CTNNA2: variants seen among roughly 807,000 people sequenced by gnomAD.
CTNNA2 encodes catenin alpha 2.
CTNNA2 carries 42 observed loss-of-function variants against 101.0 expected under a neutral mutation model. That is an observed-to-expected ratio of 0.42 (90% confidence interval 0.32 to 0.54). The LOEUF is 0.54. Ranked by LOEUF, CTNNA2 falls within the 20% of genes least tolerant of loss-of-function variation. CTNNA2 has a pLI of 0.14. For synonymous variants in CTNNA2, 450 were observed against 456.4 expected, an observed-to-expected ratio of 0.99 and a Z score of 0.18; for missense variants, 871 against 1,223.1, an observed-to-expected ratio of 0.71 and a Z score of 4.29.
chr2:80,382,254 G>C (rs1676581834), intron 7 of CTNNA2, among the ~76,000 whole-genome samples: 1 of 152,018 alleles, frequency 6.6e-6, no homozygotes, highest in Non-Finnish European at 1.5e-5. Context: ...TTTCTAATTT[G>C]CTTAGCACCG....
chr2:80,574,371 A>C, intron 13 of CTNNA2, 57 bp downstream of exon 13: 2 of 1,479,036 alleles, frequency 1.4e-6, no homozygotes, highest in Admixed American at 2.2e-5. Context: ...GAAACTAAAG[A>C]GCTAACTGTC....
chr2:80,601,283 T>C (rs2149767637), intron 15 of CTNNA2, among the ~76,000 whole-genome samples: 1 of 152,264 alleles, frequency 6.6e-6, no homozygotes, highest in East Asian at 1.9e-4. Context: ...ATATCAATAT[T>C]ATGTAACTGA....
At chr2:79,646,521 TG>T (rs1558799646) in intron 1 of CTNNA2, among the ~76,000 whole-genome samples, 9 of 141,588 alleles carry the variant, frequency 6.4e-5, no homozygotes, top group African/African-American at 2.1e-4. Context: ...CTTTTCTTTC[TG>T]TCTTTTTTTT....
intron 13 of CTNNA2, 111 bp from the exon 14 acceptor site, chr2:80,581,595 G>C (rs112444914): frequency 1.4e-6 from 1 of 692,196 alleles, no homozygotes; most frequent in Non-Finnish European, 2.6e-6. Context: ...TGCTATGTAG[G>C]ATGCTATAAG....
At chr2:80,089,074 C>T (rs934110934) in intron 7 of CTNNA2, among the ~76,000 whole-genome samples, 1 of 151,974 alleles carries the variant, frequency 6.6e-6, no homozygotes, top group Non-Finnish European at 1.5e-5. Flanking sequence ...GACCTATTAT[C>T]CTCTCCAGGA....
At chr2:79,708,736 C>T (rs1685549320) in intron 2 of CTNNA2, among the ~76,000 whole-genome samples, 1 of 151,700 alleles carries the variant, frequency 6.6e-6, no homozygotes. Context: ...AAAGAGTTAC[C>T]ATATACCTGT....
chr2:80,044,965 G>A (rs1357221190), intron 7 of CTNNA2, among the ~76,000 whole-genome samples: 1 of 152,090 alleles, frequency 6.6e-6, no homozygotes, highest in African/African-American at 2.4e-5. Context: ...CAAGTTATTG[G>A]AAATGTTGAG....
intron 6 of CTNNA2, among the ~76,000 whole-genome samples, chr2:79,875,636 T>A (rs931836343): frequency 2.0e-4 from 30 of 152,296 alleles, no homozygotes; most frequent in African/African-American, 7.2e-4. Context: ...CAGTTCATAC[T>A]CAAATAGTTC....
intron 11 of CTNNA2, among the ~76,000 whole-genome samples, chr2:80,553,397 G>T (rs182825026): frequency 6.7e-4 from 102 of 152,030 alleles, no homozygotes; most frequent in East Asian, 2.5e-3. Flanking sequence ...TTTTAAATAG[G>T]TATAATAATA....
At chr2:79,211,336 G>A (rs1436650802) in intron 2 of CTNNA2, among the ~76,000 whole-genome samples, 1 of 152,144 alleles carries the variant, frequency 6.6e-6, no homozygotes, top group African/African-American at 2.4e-5. Context: ...AAGACAACAA[G>A]GGAAACTTTT....
chr2:80,621,276 T>C (rs1428449992), intron 18 of CTNNA2, among the ~76,000 whole-genome samples: 1 of 151,978 alleles, frequency 6.6e-6, no homozygotes, highest in African/African-American at 2.4e-5. Context: ...AAATGGTTTA[T>C]GAGAAAATGA....
At chr2:80,017,042 A>C (rs1694198661) in intron 7 of CTNNA2, among the ~76,000 whole-genome samples, 1 of 152,208 alleles carries the variant, frequency 6.6e-6, no homozygotes, top group African/African-American at 2.4e-5. Flanking sequence ...TTTTTCTAAA[A>C]GCCTACAAGG....
chr2:79,811,540 A>T (rs991656350), intron 3 of CTNNA2, among the ~76,000 whole-genome samples: 13 of 152,136 alleles, frequency 8.5e-5, no homozygotes, highest in African/African-American at 3.1e-4. Context: ...TTGATCATAC[A>T]TGTAAGGATC....
chr2:80,470,411 C>T (rs1229070532), intron 9 of CTNNA2, among the ~76,000 whole-genome samples: 1 of 152,058 alleles, frequency 6.6e-6, no homozygotes, highest in Non-Finnish European at 1.5e-5. Flanking sequence ...CATGCCAGTA[C>T]AGAATTTCAA....
chr2:80,118,162 A>G (rs1701630298), intron 7 of CTNNA2, among the ~76,000 whole-genome samples: 1 of 152,182 alleles, frequency 6.6e-6, no homozygotes, highest in African/African-American at 2.4e-5. Context: ...AAAAATTGGT[A>G]TTCTTTTGAT....
intron 7 of CTNNA2, among the ~76,000 whole-genome samples, chr2:80,053,554 G>GTTCGCCTTTCA (rs1558763989): frequency 4.6e-5 from 7 of 152,158 alleles, no homozygotes; most frequent in Non-Finnish European, 1.0e-4. Flanking sequence ...GACGCCTTTC[G>GTTCGCCTTTCA]TTATCATTGT....
intron 4 of CTNNA2, among the ~76,000 whole-genome samples, chr2:79,445,654 A>T (rs1376898961): frequency 6.6e-6 from 1 of 152,154 alleles, no homozygotes; most frequent in African/African-American, 2.4e-5. Context: ...TGGGATGTCT[A>T]AAACAGCAAA....
chr2:80,355,630 A>G (rs947945143), intron 7 of CTNNA2, among the ~76,000 whole-genome samples: 1 of 152,178 alleles, frequency 6.6e-6, no homozygotes, highest in African/African-American at 2.4e-5. Context: ...AGTGATCATC[A>G]TGCCTCAGGC....
intron 4 of CTNNA2, among the ~76,000 whole-genome samples, chr2:79,390,093 A>G (rs1376259650): frequency 6.6e-6 from 1 of 152,122 alleles, no homozygotes; most frequent in Non-Finnish European, 1.5e-5. Context: ...GTCATTCCCC[A>G]TTCTTCACAT....
Sources: allele counts gnomAD v4.1 joint callset (sites outside exome capture counted in the v4.1 genomes callset), GRCh38; gene constraint gnomAD v4.1.1; transcripts MANE v1.5; gene names NCBI Gene and HGNC (gene_info 2026-07-23, HGNC 2026-07-21).